Variants in DLC1 observed in about 807,000 individuals in gnomAD.
The protein encoded by DLC1 is DLC1 Rho GTPase activating protein, also known as rho GTPase-activating protein 7.
Under a neutral mutation model 140.3 loss-of-function variants are expected in DLC1, and 54 were observed. The observed-to-expected ratio is 0.38, with a 90% CI of 0.31 to 0.48. The LOEUF (loss-of-function observed/expected upper bound fraction) is 0.48, where lower values mean the gene tolerates loss of function less well. DLC1 is among the 20% of genes least tolerant of loss of function. The probability of loss-of-function intolerance (pLI) is 0.96; values close to 1 mark genes in which losing one functional copy is unlikely to be tolerated. For synonymous variants in DLC1, 986 were observed against 728.1 expected (o/e 1.35, Z -5.70); for missense variants, 2,536 against 1,907.0 (o/e 1.33, Z -6.14).
At chr8:13,364,098 A>C (rs1021605515) in intron 4 of DLC1, among the ~76,000 whole-genome samples, 1 of 152,252 alleles carries the variant, frequency 6.6e-6, no homozygotes, top group East Asian at 1.9e-4. Flanking sequence ...GAAAAGAGGC[A>C]GGAGAATGAA....
chr8:13,490,574 A>C (rs561346885), intron 2 of DLC1, among the ~76,000 whole-genome samples: 1 of 152,192 alleles, frequency 6.6e-6, no homozygotes, highest in Non-Finnish European at 1.5e-5. Context: ...ACTTGTGTGG[A>C]TATTGGCATT....
chr8:13,452,188 T>C (rs2116975296), intron 2 of DLC1, among the ~76,000 whole-genome samples: 1 of 150,676 alleles, frequency 6.6e-6, no homozygotes, highest in African/African-American at 2.4e-5. Flanking sequence ...TTAAAATAAA[T>C]AAAAATTATT....
intron 1 of DLC1, among the ~76,000 whole-genome samples, chr8:13,540,880 C>T (rs142761118): frequency 0.01 from 1,556 of 152,288 alleles, 27 homozygotes; most frequent in African/African-American, 0.035. Context: ...CCTCTCAAGA[C>T]TCTAGCAAAA....
upstream of DLC1, among the ~76,000 whole-genome samples, chr8:13,519,748 A>G (rs968633467): frequency 1.3e-5 from 2 of 152,230 alleles, no homozygotes; most frequent in Non-Finnish European, 2.9e-5. Context: ...AAGAATAGAT[A>G]TGAAAACAAA....
chr8:13,226,844 G>C (rs1004879293), intron 5 of DLC1, among the ~76,000 whole-genome samples: 8 of 152,156 alleles, frequency 5.3e-5, no homozygotes, highest in Non-Finnish European at 1.0e-4. Flanking sequence ...GGAAGATTCT[G>C]GTTTAGTAGA....
At chr8:13,223,748 T>C (rs144656314) in intron 5 of DLC1, among the ~76,000 whole-genome samples, 1 of 152,210 alleles carries the variant, frequency 6.6e-6, no homozygotes, top group Non-Finnish European at 1.5e-5. Flanking sequence ...TATATGAAAG[T>C]AGAGCATTAT....
At chr8:13,444,249 A>G (rs564054998) in intron 2 of DLC1, among the ~76,000 whole-genome samples, 2 of 152,254 alleles carry the variant, frequency 1.3e-5, no homozygotes, top group African/African-American at 4.8e-5. Context: ...GAGTTGAACA[A>G]TGAGAACACT....
rs957633738 is a variant in DLC1, at chr8:13,098,473, C to T, written c.3093G>A (p.Leu1031=). 1.9e-6 allele frequency: 3 copies of T among 1,614,162 alleles called. No homozygotes were observed. Among genetic ancestry groups the T allele is most frequent in the Non-Finnish European group, 2.5e-6 (3 of 1,180,028 alleles). Reference sequence around the variant, plus strand: ...TTAGCTTTAGGAGTGAGTATTTCTGCAGCAGGTTCATCTGGGCCACAGACT... The same window carrying T: ...TTAGCTTTAGGAGTGAGTATTTCTGTAGCAGGTTCATCTGGGCCACAGACT... ...NCQSVAQMNL[L]QKYSLLKLTA... The change falls in exon 10 of 18, where the codon CTG becomes CTA. Residue 1031 remains leucine (L), a synonymous_variant. Coordinates refer to ENST00000276297, the MANE Select transcript of DLC1 (RefSeq NM_182643.3).
intron 4 of DLC1, among the ~76,000 whole-genome samples, chr8:13,348,997 AAAGAG>A (rs1472948017): frequency 6.6e-6 from 1 of 152,150 alleles, no homozygotes; most frequent in African/African-American, 2.4e-5. Context: ...AGGGAGATGA[AAAGAG>A]AAGTGACTTT....
intron 5 of DLC1, among the ~76,000 whole-genome samples, chr8:13,192,448 TGTG>T (rs1826814592): frequency 6.6e-6 from 1 of 152,196 alleles, no homozygotes; most frequent in African/African-American, 2.4e-5. Context: ...GTCTTTTTTG[TGTG>T]GTATCTCTTT....
intron 5 of DLC1, among the ~76,000 whole-genome samples, chr8:13,183,346 C>T (rs1826151923): frequency 6.6e-6 from 1 of 152,168 alleles, no homozygotes; most frequent in African/African-American, 2.4e-5. Flanking sequence ...GAACTTCCAA[C>T]ACTAGGTTGA....
At chr8:13,276,994 C>A (rs959630698) in intron 5 of DLC1, 1 of 152,430 alleles carries the variant, frequency 6.6e-6, no homozygotes, top group Non-Finnish European at 1.5e-5. Flanking sequence ...CTGGAAGGAG[C>A]ACTTTACAGA....
intron 4 of DLC1, among the ~76,000 whole-genome samples, chr8:13,325,649 T>C (rs962399231): frequency 6.6e-6 from 1 of 152,134 alleles, no homozygotes; most frequent in African/African-American, 2.4e-5. Context: ...TCTGAAAACA[T>C]GTGGAAAATG....
intron 2 of DLC1, among the ~76,000 whole-genome samples, chr8:13,441,568 G>C (rs1282498715): frequency 2.0e-5 from 3 of 151,938 alleles, no homozygotes; most frequent in Non-Finnish European, 4.4e-5. Flanking sequence ...ACCAATAACA[G>C]ACAAACAGAG....
At chr8:13,573,031 G>T (rs966707339) in intron 1 of DLC1, among the ~76,000 whole-genome samples, 1 of 151,902 alleles carries the variant, frequency 6.6e-6, no homozygotes, top group Admixed American at 6.6e-5. Context: ...CTTTTGATAG[G>T]GATTGCATTT....
rs74328261 is a variant in DLC1, at chr8:13,114,711, A to C, written c.1420+875T>G. On this transcript the variant is annotated intron_variant, in intron 6 of 17. Coordinates refer to ENST00000276297, the MANE Select transcript of DLC1 (RefSeq NM_182643.3). ...AGAGCCCTTATAAATCATTAAGAGA[A>C]GCATAATGTGAGCAAACAAATGTGG... Among the ~76,000 whole-genome samples, 1,349 of 152,364 alleles carry C rather than the reference A, an allele frequency of 8.9e-3. 20 individuals carry two copies. The highest frequency in any genetic ancestry group is 0.031 in the African/African-American group (1,270 of 41,584).
chr8:13,285,419 C>T (rs1358366344), intron 5 of DLC1, among the ~76,000 whole-genome samples: 1 of 152,106 alleles, frequency 6.6e-6, no homozygotes, highest in African/African-American at 2.4e-5. Context: ...AGACCACAGA[C>T]CTAAATGTAG....
At chr8:13,292,033 A>G (rs2117465080) in intron 5 of DLC1, among the ~76,000 whole-genome samples, 1 of 150,184 alleles carries the variant, frequency 6.7e-6, no homozygotes, top group African/African-American at 2.5e-5. Flanking sequence ...AACGAAACTG[A>G]CTTTGCTGAA....
intron 2 of DLC1, among the ~76,000 whole-genome samples, chr8:13,491,281 C>G (rs1400202540): frequency 6.6e-6 from 1 of 151,866 alleles, no homozygotes; most frequent in African/African-American, 2.4e-5. Flanking sequence ...CTTTCAATCT[C>G]TTATTCTATT....
Sources: allele counts gnomAD v4.1 joint callset (sites outside exome capture counted in the v4.1 genomes callset), GRCh38; gene constraint gnomAD v4.1.1; transcripts MANE v1.5; gene names NCBI Gene and HGNC (gene_info 2026-07-23, HGNC 2026-07-21).